The following B4GALT6 variants were observed in gnomAD, a reference collection of about 807,000 sequenced individuals.
The protein encoded by B4GALT6 is beta-1,4-galactosyltransferase 6, also known as UDP-Gal:beta-GlcNAc beta-1,4-galactosyltransferase 6.
A neutral mutation model predicts 46.3 loss-of-function variants in B4GALT6; 14 were observed. The ratio of observed to expected loss-of-function variants is 0.30; its 90% CI spans 0.20 to 0.47. The LOEUF is 0.47. B4GALT6 is among the 20% of genes least tolerant of loss of function. B4GALT6 has a pLI of 0.99. For missense variants in B4GALT6, 386 were observed against 480.1 expected, an observed-to-expected ratio of 0.80 and a Z score of 1.83; for synonymous variants, 168 against 162.0, an observed-to-expected ratio of 1.04 and a Z score of -0.28.
upstream of B4GALT6, among the ~76,000 whole-genome samples, chr18:31,687,542 A>G (rs1019311437): frequency 3.6e-4 from 55 of 152,226 alleles, no homozygotes; most frequent in African/African-American, 1.2e-3. Flanking sequence ...CTCAGGAGCC[A>G]AGTAAGCCCC....
In B4GALT6 at chr18:31,666,967, G is replaced by C. The variant is rs527761104; in HGVS notation, c.116-595C>G. On this transcript the variant is annotated intron_variant, in intron 1 of 8. Transcript: ENST00000306851. ...AAATCTTTCTACCAGGATGGTAAAA[G>C]CAAATAAAATCAAAATCAATGTGTA... Among the ~76,000 whole-genome samples the C allele has an allele frequency of 7.9e-5, 12 of 152,212 alleles. 1 individual carries two copies. In the South Asian group the frequency reaches 2.5e-3, roughly 32 times the overall value.
chr18:31,628,667 T>C (rs2073734161), intron 6 of B4GALT6, among the ~76,000 whole-genome samples: 1 of 152,192 alleles, frequency 6.6e-6, no homozygotes, highest in Non-Finnish European at 1.5e-5. Flanking sequence ...TGGCCATCAC[T>C]GTGGGGCAGG....
At chr18:31,696,693 A>T in the B4GALT6 span, among the ~76,000 whole-genome samples, 5 of 152,318 alleles carry the variant, frequency 3.3e-5, no homozygotes, top group Non-Finnish European at 7.3e-5. Context: ...AGTAATAGGT[A>T]GATTTTTCTA....
chr18:31,677,553 T>C (rs1279047852), intron 1 of B4GALT6, among the ~76,000 whole-genome samples: 1 of 152,208 alleles, frequency 6.6e-6, no homozygotes, highest in Non-Finnish European at 1.5e-5. Flanking sequence ...GTTAAAGGCA[T>C]TATGGGTATC....
intron 4 of B4GALT6, among the ~76,000 whole-genome samples, chr18:31,643,103 A>C (rs1219420237): frequency 2.0e-5 from 3 of 152,124 alleles, no homozygotes. Context: ...GCAGGCAGGG[A>C]CGGGTAGGGG....
In B4GALT6 at chr18:31,656,066, G is replaced by A. The variant is rs1401079177; in HGVS notation, c.346+1910C>T. Reference sequence around the variant, plus strand: ...GCTGAGTCTGAAACTCTTGAGAGCTGGACCAGCAATGGGGCTTGACAAGAT... The same window carrying A: ...GCTGAGTCTGAAACTCTTGAGAGCTAGACCAGCAATGGGGCTTGACAAGAT... On this transcript the variant is annotated intron_variant, in intron 3 of 8. Coordinates refer to ENST00000306851, the MANE Select transcript of B4GALT6 (RefSeq NM_004775.5). 2.6e-5 allele frequency among the ~76,000 whole-genome samples: 4 copies of A among 152,132 alleles called. No individual in the cohort carries two copies. The East Asian group carries it at 7.7e-4, about 29-fold the overall frequency.
intron 4 of B4GALT6, among the ~76,000 whole-genome samples, chr18:31,641,128 A>C (rs1358015099): frequency 2.0e-5 from 3 of 152,256 alleles, no homozygotes; most frequent in Non-Finnish European, 4.4e-5. Context: ...AAATGGCTGC[A>C]GAGTCCCAAT....
At chr18:31,641,964 A>C (rs2073935611) in intron 4 of B4GALT6, among the ~76,000 whole-genome samples, 1 of 152,250 alleles carries the variant, frequency 6.6e-6, no homozygotes, top group African/African-American at 2.4e-5. Flanking sequence ...AGGCTTGGTA[A>C]CCTTAAGGTG....
chr18:31,684,519 C>T lies in B4GALT6; in HGVS notation c.-93G>A. 6.5e-7 allele frequency: 1 copy of T among 1,531,686 alleles called. No homozygotes were observed. The highest frequency in any genetic ancestry group is 8.8e-7 in the Non-Finnish European group (1 of 1,138,840). 94.9% of individuals were successfully genotyped at this position (1,531,686 alleles called of 1,614,324 possible). A position where few individuals can be genotyped will look rare whatever the true frequency, so the allele number is the denominator to read the frequency against. ...TAAACTTCCATAAATGTGCTGAGAA[C>T]CCCGAGACTGCAGCGGGGTCCGCGC... On this transcript the variant is annotated 5_prime_UTR_variant, in exon 1 of 9. Transcript: ENST00000306851.
chr18:31,674,996 C>T (rs1256069986), intron 1 of B4GALT6, among the ~76,000 whole-genome samples: 2 of 152,158 alleles, frequency 1.3e-5, no homozygotes, highest in Non-Finnish European at 2.9e-5. Flanking sequence ...AAGTTATAAG[C>T]TGACAGAGTC....
intron 5 of B4GALT6, among the ~76,000 whole-genome samples, chr18:31,631,968 C>T (rs148826062): frequency 0.013 from 1,975 of 152,246 alleles, 27 homozygotes; most frequent in Middle Eastern, 0.058. Context: ...TTTTATTACA[C>T]AGAACCCAAC....
At position 31,638,774 on chromosome 18, in the gene B4GALT6, T is replaced by C; in HGVS notation, c.472-14A>G. ...GAGAACTGCCACCTTTAAAACAAAA[T>C]AGTCATGTATGTAAATAAATATATC... On this transcript the variant is annotated splice_polypyrimidine_tract_variant and intron_variant, in intron 4 of 8. Transcript: ENST00000306851. 4 of 1,559,314 alleles carry C rather than the reference T, an allele frequency of 2.6e-6. No homozygotes were observed. The highest frequency in any genetic ancestry group is 1.7e-5 in the Admixed American group (1 of 59,766).
intron 6 of B4GALT6, among the ~76,000 whole-genome samples, chr18:31,629,011 G>A (rs986198875): frequency 9.2e-5 from 14 of 152,194 alleles, no homozygotes; most frequent in African/African-American, 2.4e-4. Context: ...CCTACTCCAC[G>A]TGAGGACGAT....
chr18:31,634,111 G>A lies in B4GALT6; in HGVS notation c.589-2965C>T, dbSNP rs144655547. 5.4e-3 allele frequency among the ~76,000 whole-genome samples: 820 copies of A among 152,270 alleles called. 4 individuals are homozygous for A. The highest frequency in any genetic ancestry group is 0.014 in the Middle Eastern group (4 of 294). On this transcript the variant is annotated intron_variant, in intron 5 of 8. Transcript: ENST00000306851. ...GCCCTGCCACAGCTGGAGGGGTGGG[G>A]AGATTCACACCTGGCTGTTGGCTTC...
At chr18:31,689,228 A>G (rs547106172), upstream of B4GALT6, among the ~76,000 whole-genome samples, 1 of 152,218 alleles carries the variant, frequency 6.6e-6, no homozygotes, top group African/African-American at 2.4e-5. Flanking sequence ...GAGCTGCCAA[A>G]CAATAGCCAC....
intron 3 of B4GALT6, among the ~76,000 whole-genome samples, chr18:31,653,117 C>G (rs1486296311): frequency 6.6e-6 from 1 of 151,696 alleles, no homozygotes; most frequent in African/African-American, 2.4e-5. Flanking sequence ...CATGTAAGCT[C>G]ACAGGCTCTT....
the B4GALT6 span, among the ~76,000 whole-genome samples, chr18:31,719,984 A>G: frequency 6.6e-6 from 1 of 152,214 alleles, no homozygotes; most frequent in African/African-American, 2.4e-5. Context: ...CCTAAACTGT[A>G]ATTTCTAAAC....
chr18:31,717,654 TG>T, the B4GALT6 span, among the ~76,000 whole-genome samples: 2 of 152,146 alleles, frequency 1.3e-5, no homozygotes, highest in Non-Finnish European at 2.9e-5. Context: ...ATACCATTTT[TG>T]TAAAAAAATA....
chr18:31,649,330 C>G (rs1464949442), intron 3 of B4GALT6, among the ~76,000 whole-genome samples: 1 of 152,188 alleles, frequency 6.6e-6, no homozygotes, highest in Non-Finnish European at 1.5e-5. Context: ...GCATTAGTCA[C>G]ACATCCCCAC....
Sources: gnomAD v4.1 joint callset for allele counts (sites outside exome capture counted in the v4.1 genomes callset) on GRCh38, gnomAD v4.1.1 for gene constraint, MANE v1.5 for transcripts, NCBI Gene and HGNC (gene_info 2026-07-23, HGNC 2026-07-21) for gene names.